PKN3: variants seen among roughly 807,000 people sequenced by gnomAD.
The protein encoded by PKN3 is serine/threonine-protein kinase N3.
PKN3 carries 91 observed loss-of-function variants against 113.1 expected under a neutral mutation model. That is an observed-to-expected ratio of 0.80 (90% CI 0.68 to 0.96). The LOEUF is 0.96. PKN3 is among the 40% of genes least tolerant of loss of function. The probability of loss-of-function intolerance (pLI) is 0.00; values close to 1 mark genes in which losing one functional copy is unlikely to be tolerated. For synonymous variants in PKN3, 467 were observed against 499.0 expected (o/e 0.94, Z 0.85); for missense variants, 1,052 against 1,202.2 (o/e 0.88, Z 1.85).
At position 128,715,755 on chromosome 9, in the gene PKN3, T is replaced by A. The variant is rs1192604616; in HGVS notation, c.1808+295T>A. On this transcript the variant is annotated intron_variant, in intron 15 of 21. Coordinates refer to ENST00000291906, the MANE Select transcript of PKN3 (RefSeq NM_013355.5). The surrounding 1 kb of genome is among the most constrained non-coding windows in gnomAD (Gnocchi z 4.1). ...ATGGCCAGGCGTGGTAACTCATGCA[T>A]GTAACCCCAGCACTTTGGGAGGCCA... Among the ~76,000 whole-genome samples, 1 of 152,190 alleles carries A rather than the reference T, an allele frequency of 6.6e-6. No homozygotes were observed. Among genetic ancestry groups the A allele is most frequent in the Non-Finnish European group, 1.5e-5 (1 of 68,036 alleles).
At chr9:128,703,062 C>A in intron 1 of PKN3, 123 bp downstream of exon 1, 1 of 681,354 alleles carries the variant, frequency 1.5e-6, no homozygotes, top group Non-Finnish European at 2.2e-6. Context: ...CTTCCCTGCC[C>A]CTGCCCTGGC....
chr9:128,707,940 C>T (rs1037914324), intron 6 of PKN3, among the ~76,000 whole-genome samples: 3 of 150,956 alleles, frequency 2.0e-5, no homozygotes, highest in African/African-American at 7.3e-5. Flanking sequence ...GGCGTGGTGG[C>T]GGGTGCCTGT....
rs1010825386 is a variant in PKN3, at chr9:128,720,825, C to T, written c.*219C>T. ...CAGCTCGCCCTCTTCTACCTCCCAG[C>T]GAGACCTGGCCCAGAAAGGGTGCCG... On this transcript the variant is annotated 3_prime_UTR_variant, in exon 22 of 22. Transcript: ENST00000291906. The surrounding 1 kb of genome is among the most constrained non-coding windows in gnomAD (Gnocchi z 5.5). 3 of 599,412 alleles carry T rather than the reference C, an allele frequency of 5.0e-6. No homozygotes were observed. Among genetic ancestry groups the T allele is most frequent in the East Asian group, 2.8e-5 (1 of 35,932 alleles). The allele number at this position is 599,412 out of a possible 1,614,324, so 37.1% of individuals were successfully genotyped here.
intron 3 of PKN3, 27 bp from the exon 4 acceptor site, chr9:128,706,686 T>C: frequency 6.8e-7 from 1 of 1,473,938 alleles, no homozygotes. Flanking sequence ...AGGCCTGGTC[T>C]GATGGGCCTG....
At chr9:128,703,447 C>T in intron 1 of PKN3, 6 of 985,304 alleles carry the variant, frequency 6.1e-6, no homozygotes, top group Non-Finnish European at 7.2e-6. Flanking sequence ...CGGCCTCCCC[C>T]GCCCCAGGGC....
chr9:128,705,940 C>G, intron 3 of PKN3, 61 bp downstream of exon 3: 1 of 1,469,258 alleles, frequency 6.8e-7, no homozygotes, highest in Non-Finnish European at 9.1e-7. Flanking sequence ...GGGAAATGCA[C>G]CTCAGCCATT....
At chr9:128,718,757 C>T (rs1862420529) in intron 18 of PKN3, 132 bp downstream of exon 18, 1 of 809,036 alleles carries the variant, frequency 1.2e-6, no homozygotes, top group African/African-American at 1.7e-5. Flanking sequence ...CCCCAGACCT[C>T]ATTCCAGGGG....
Position 128,720,100 on chromosome 9 carries a change from C to A in PKN3, c.2376+83C>A. 6.5e-7 allele frequency: 1 copy of A among 1,529,704 alleles called. No homozygotes were observed. The highest frequency in any genetic ancestry group is 9.0e-7 in the Non-Finnish European group (1 of 1,106,016). The allele number at this position is 1,529,704 out of a possible 1,614,324, so 94.8% of individuals were successfully genotyped here. ...CTGCCGTGGGACAGCAGACCCCCTGCCACCCATCCTTAGAGCGCTCTGGGC... is the reference window on the plus strand; with the variant it reads ...CTGCCGTGGGACAGCAGACCCCCTGACACCCATCCTTAGAGCGCTCTGGGC... On this transcript the variant is annotated intron_variant, in intron 20 of 21. Transcript: ENST00000291906. This position sits in a 1 kb window ranked among gnomAD's most constrained non-coding sequence, Gnocchi z 5.5.
Position 128,713,316 on chromosome 9 carries a change from G to A in PKN3, c.1021G>A (p.Val341Met), listed in dbSNP as rs759197568. The A allele has an allele frequency of 6.2e-7, 1 of 1,614,122 alleles. No individual in the cohort carries two copies. Among genetic ancestry groups the A allele is most frequent in the Admixed American group, 1.7e-5 (1 of 60,022 alleles). The change falls in exon 8 of 22, where the codon GTG becomes ATG. Residue 341 changes from valine to methionine, a missense_variant. By Grantham distance (21) the Val-to-Met change is conservative (BLOSUM62 1). Transcript: ENST00000291906. ...LAVLKVDNRV[V>M]GQTGWGQVAE... ...TGTGCTAAAGGTGGACAACCGTGTT[G>A]TGGGGCAGACGGGCTGGGGGCAGGT... is the stretch of plus-strand genomic sequence containing the variant.
rs974250273 is a variant in PKN3, at chr9:128,720,729, A to C, written c.*123A>C. 4 of 843,794 alleles carry C rather than the reference A, an allele frequency of 4.7e-6. No individual in the cohort carries two copies. The highest frequency in any genetic ancestry group is 7.4e-6 in the Non-Finnish European group (4 of 543,072). The allele number at this position is 843,794 out of a possible 1,614,324, so 52.3% of individuals were successfully genotyped here. On this transcript the variant is annotated 3_prime_UTR_variant, in exon 22 of 22. Coordinates refer to ENST00000291906, the MANE Select transcript of PKN3 (RefSeq NM_013355.5). This position sits in a 1 kb window ranked among gnomAD's most constrained non-coding sequence, Gnocchi z 5.5. The stretch of plus-strand genomic sequence containing the variant: ...GTACTTCTGAGCCCTTGGGATTCAA[A>C]GTGGCAGCCATGGGGCCACTGTTGT...
rs1302802377 is a variant in PKN3, at chr9:128,702,872, C to A, written c.-44C>A. The A allele has an allele frequency of 1.4e-6, 2 of 1,426,394 alleles. No individual in the cohort carries two copies. Among genetic ancestry groups the A allele is most frequent in the Non-Finnish European group, 1.9e-6 (2 of 1,061,012 alleles). 88.4% of individuals were successfully genotyped at this position (1,426,394 alleles called of 1,614,324 possible). ...GGCGGAGGGTCTGCGGCTTCCGGGA[C>A]CGGAGTGGCTGAGAGAAGGGCCCCA... is the stretch of plus-strand genomic sequence containing the variant. On this transcript the variant is annotated 5_prime_UTR_variant, in exon 1 of 22. Coordinates refer to ENST00000291906, the MANE Select transcript of PKN3 (RefSeq NM_013355.5).
At chr9:128,717,009 T>G (rs1004377174) in intron 16 of PKN3, 86 bp downstream of exon 16, 16 of 1,137,488 alleles carry the variant, frequency 1.4e-5, no homozygotes, top group Non-Finnish European at 2.1e-5. Context: ...TTTCTCCAAG[T>G]GCCCAACAGC....
At chr9:128,704,420 T>C (rs1861947102) in intron 1 of PKN3, among the ~76,000 whole-genome samples, 1 of 152,190 alleles carries the variant, frequency 6.6e-6, no homozygotes, top group Non-Finnish European at 1.5e-5. Flanking sequence ...CCTGGCTGCC[T>C]TCTCATGTGG....
intron 16 of PKN3, among the ~76,000 whole-genome samples, chr9:128,717,829 C>G (rs1862390062): frequency 2.1e-5 from 3 of 143,534 alleles, no homozygotes; most frequent in Non-Finnish European, 3.0e-5. Flanking sequence ...ACCATCCTGG[C>G]CAACATGGTG....
At chr9:128,704,182 G>T in intron 1 of PKN3, 2 of 979,886 alleles carry the variant, frequency 2.0e-6, no homozygotes, top group Non-Finnish European at 2.4e-6. Flanking sequence ...TGGGTTACCC[G>T]GCCTGAGGTC....
intron 1 of PKN3, among the ~76,000 whole-genome samples, chr9:128,705,027 G>A (rs1861965870): frequency 6.6e-6 from 1 of 152,138 alleles, no homozygotes; most frequent in Non-Finnish European, 1.5e-5. Context: ...AAAGCACTTA[G>A]AATAGAACCT....
chr9:128,712,847 C>T (rs1018765805), intron 6 of PKN3, among the ~76,000 whole-genome samples: 1 of 152,130 alleles, frequency 6.6e-6, no homozygotes, highest in African/African-American at 2.4e-5. Flanking sequence ...TTGGGAGCTG[C>T]AGGACAGTCA....
Position 128,705,311 on chromosome 9 carries a change from G to A in PKN3, c.33G>A (p.Pro11=), listed in dbSNP as rs375516897. 3.2e-5 allele frequency: 50 copies of A among 1,554,926 alleles called. No homozygotes were observed. The highest frequency in any genetic ancestry group is 1.7e-4 in the Middle Eastern group (1 of 6,002). The change falls in exon 2 of 22, where the codon CCG becomes CCA. Residue 11 remains proline, a synonymous_variant. Coordinates refer to ENST00000291906, the MANE Select transcript of PKN3 (RefSeq NM_013355.5). ...TTCCACCGGCTCTGCAGCCTGGGCC[G>A]AGCCAGTGGCCCCCAGAGGATGAGA... MEEGAPRQPG[P]SQWPPEDEKE... is the part of the protein sequence containing the mutation.
chr9:128,708,236 G>T (rs1319935251), intron 6 of PKN3, among the ~76,000 whole-genome samples: 1 of 151,874 alleles, frequency 6.6e-6, no homozygotes, highest in Non-Finnish European at 1.5e-5. Flanking sequence ...CAAAAAAGTA[G>T]CTGGATGTGG....
Sources: gnomAD v4.1 joint callset for allele counts (sites outside exome capture counted in the v4.1 genomes callset) on GRCh38, gnomAD v4.1.1 for gene constraint, Gnocchi (gnomAD v3.1) non-coding constraint, MANE v1.5 for transcripts, NCBI Gene and HGNC (gene_info 2026-07-23, HGNC 2026-07-21) for gene names.